ERGIC1: variants seen among roughly 807,000 people sequenced by gnomAD.
The protein encoded by ERGIC1 is endoplasmic reticulum-golgi intermediate compartment 1.
In ERGIC1, 19 loss-of-function variants were observed where a neutral mutation model predicts 38.3. That is an observed-to-expected ratio of 0.50 (90% CI 0.35 to 0.73). The LOEUF (loss-of-function observed/expected upper bound fraction) is 0.73, where lower values mean the gene tolerates loss of function less well. Ranked by LOEUF, ERGIC1 falls within the 30% of genes least tolerant of loss-of-function variation. The pLI is 0.01. For synonymous variants in ERGIC1, 124 were observed against 157.6 expected (o/e 0.79, Z 1.60); for missense variants, 294 against 389.2 (o/e 0.76, Z 2.06).
chr5:172,923,804 G>A lies in ERGIC1; in HGVS notation c.376-201G>A, dbSNP rs1393182871. On this transcript the variant is annotated intron_variant, in intron 5 of 9. Coordinates refer to ENST00000393784, the MANE Select transcript of ERGIC1 (RefSeq NM_001031711.3). ...GGCAGCCCCCTCGGAAGCTATGGTA[G>A]TGCCCCCATTCTGCAGATGAGGAGC... Among the ~76,000 whole-genome samples, 6 of 152,190 alleles carry A rather than the reference G, an allele frequency of 3.9e-5. 1 individual carries two copies. The East Asian group carries it at 1.2e-3, about 29-fold the overall frequency.
At chr5:172,908,305 G>GC (rs1561729544) in intron 3 of ERGIC1, among the ~76,000 whole-genome samples, 12 of 5,242 alleles carry the variant, frequency 2.3e-3, no homozygotes, top group Non-Finnish European at 0.011. Context: ...TGAGGCGGGG[G>GC]CGGGGGGGGG....
intron 1 of ERGIC1, among the ~76,000 whole-genome samples, chr5:172,865,199 C>T (rs1403032943): frequency 1.3e-5 from 2 of 151,604 alleles, no homozygotes; most frequent in African/African-American, 2.4e-5. Flanking sequence ...GGATTACAGG[C>T]GCCCGCCACT....
intron 1 of ERGIC1, among the ~76,000 whole-genome samples, chr5:172,862,465 T>G (rs1418103412): frequency 6.6e-6 from 1 of 151,742 alleles, no homozygotes; most frequent in African/African-American, 2.4e-5. Context: ...ATGGCAATGG[T>G]GGTGAGCACT....
chr5:172,867,221 C>A (rs1471297987), intron 1 of ERGIC1: 6 of 455,100 alleles, frequency 1.3e-5, no homozygotes, highest in Non-Finnish European at 2.2e-5. Flanking sequence ...ATGCTGGCAG[C>A]CCCTCCCTCC....
chr5:172,875,820 G>A (rs866734557), intron 1 of ERGIC1, among the ~76,000 whole-genome samples: 2 of 152,316 alleles, frequency 1.3e-5, no homozygotes, highest in African/African-American at 4.8e-5. Context: ...CTGAGCTCAA[G>A]AGATTTTCCT....
intron 1 of ERGIC1, among the ~76,000 whole-genome samples, chr5:172,876,650 CAT>C (rs1762144746): frequency 1.3e-5 from 2 of 152,292 alleles, no homozygotes; most frequent in Admixed American, 1.3e-4. Flanking sequence ...AAAAATTTGA[CAT>C]ATGTATACGT....
chr5:172,932,107 C>A (rs1195901533), intron 7 of ERGIC1, among the ~76,000 whole-genome samples: 1 of 152,178 alleles, frequency 6.6e-6, no homozygotes, highest in African/African-American at 2.4e-5. Flanking sequence ...GATCCACCCA[C>A]CTCGGCCTCC....
At chr5:172,840,331 C>G (rs549310883) in intron 1 of ERGIC1, among the ~76,000 whole-genome samples, 2 of 152,314 alleles carry the variant, frequency 1.3e-5, no homozygotes, top group African/African-American at 4.8e-5. Flanking sequence ...CATTCCCCAT[C>G]TGGTAATCCT....
At chr5:172,924,646 C>G (rs1763609487) in intron 6 of ERGIC1, among the ~76,000 whole-genome samples, 2 of 152,118 alleles carry the variant, frequency 1.3e-5, no homozygotes, top group Admixed American at 1.3e-4. Flanking sequence ...CAGACCGAGG[C>G]AGGTGGAGGG....
intron 9 of ERGIC1, among the ~76,000 whole-genome samples, chr5:172,947,139 C>T (rs1764139045): frequency 6.7e-6 from 1 of 149,906 alleles, no homozygotes; most frequent in South Asian, 2.1e-4. Flanking sequence ...GCCGAGGTCA[C>T]CCCATTGCAC....
intron 1 of ERGIC1, among the ~76,000 whole-genome samples, chr5:172,855,443 G>T (rs922891896): frequency 6.6e-6 from 1 of 152,184 alleles, no homozygotes; most frequent in African/African-American, 2.4e-5. Flanking sequence ...TGTTTACTAT[G>T]TGCTGCGCCC....
intron 2 of ERGIC1, among the ~76,000 whole-genome samples, chr5:172,895,835 C>T (rs1050965423): frequency 6.6e-6 from 1 of 152,034 alleles, no homozygotes; most frequent in Admixed American, 6.5e-5. Context: ...GCATGCAGCT[C>T]TCTGTGGGTG....
intron 3 of ERGIC1, chr5:172,906,111 T>A: frequency 2.2e-6 from 1 of 456,160 alleles, no homozygotes; most frequent in East Asian, 7.0e-5. Flanking sequence ...TGTTTGCCTC[T>A]CTCCCTCCAG....
Position 172,912,481 on chromosome 5 carries a change from G to A in ERGIC1, c.251-2233G>A, listed in dbSNP as rs536306398. On this transcript the variant is annotated intron_variant, in intron 4 of 9. Coordinates refer to ENST00000393784, the MANE Select transcript of ERGIC1 (RefSeq NM_001031711.3). ...TAGCTCACTGCAACCTCCGCCTCCC[G>A]GGTTCAAGCCATTCTCCTGCCTCAG... Among the ~76,000 whole-genome samples the A allele has an allele frequency of 6.3e-4, 96 of 151,370 alleles. 1 individual carries two copies. The highest frequency in any genetic ancestry group is 2.7e-3 in the South Asian group (13 of 4,758).
At chr5:172,863,665 C>CT (rs1561707075) in intron 1 of ERGIC1, among the ~76,000 whole-genome samples, 1 of 151,342 alleles carries the variant, frequency 6.6e-6, no homozygotes, top group African/African-American at 2.4e-5. Flanking sequence ...CATTTTGGCT[C>CT]TTTAAAAAAA....
chr5:172,927,379 G>A (rs1451316923), intron 7 of ERGIC1, among the ~76,000 whole-genome samples: 2 of 151,958 alleles, frequency 1.3e-5, no homozygotes, highest in Non-Finnish European at 2.9e-5. Context: ...TCTGTGACCT[G>A]CCCCCCCGAC....
At chr5:172,948,980 G>A (rs73327087) in intron 9 of ERGIC1, among the ~76,000 whole-genome samples, 3,081 of 152,216 alleles carry the variant, frequency 0.02, 92 homozygotes, top group African/African-American at 0.069. Context: ...CTTGAACCTG[G>A]GAGTTGGGGT....
Position 172,897,075 on chromosome 5 carries a change from G to GT in ERGIC1, c.155+2dup. ...TCACCGGATTTATAACGACAGAAGT[G>GT]TAAGTCATACTTTCCCGATGGGGCA... On this transcript the variant is annotated splice_donor_variant, in intron 3 of 9. Coordinates refer to ENST00000393784, the MANE Select transcript of ERGIC1 (RefSeq NM_001031711.3). LOFTEE classifies it high-confidence loss of function. 6.2e-7 allele frequency: 1 copy of GT among 1,613,818 alleles called. No individual in the cohort carries two copies. Among genetic ancestry groups the GT allele is most frequent in the Non-Finnish European group, 8.5e-7 (1 of 1,179,734 alleles).
intron 5 of ERGIC1, among the ~76,000 whole-genome samples, chr5:172,921,248 T>A (rs780786217): frequency 6.6e-6 from 1 of 152,246 alleles, no homozygotes; most frequent in Non-Finnish European, 1.5e-5. Flanking sequence ...TGGGGCCAAG[T>A]GTAGAACTCA....
Sources: allele counts gnomAD v4.1 joint callset (sites outside exome capture counted in the v4.1 genomes callset), GRCh38; gene constraint gnomAD v4.1.1; transcripts MANE v1.5; gene names NCBI Gene and HGNC (gene_info 2026-07-23, HGNC 2026-07-21).